LRRC69: variants seen among roughly 807,000 people sequenced by gnomAD.
LRRC69 encodes leucine rich repeat containing 69.
In LRRC69, 42 loss-of-function variants were observed where a neutral mutation model predicts 37.8. That is an observed-to-expected ratio of 1.11 (90% CI 0.87 to 1.44). LRRC69 has a LOEUF of 1.44. Among genes scored for constraint, LRRC69 ranks in the 40% most tolerant of loss-of-function variants. The pLI is 0.00. For missense variants in LRRC69, 357 were observed against 401.9 expected, an observed-to-expected ratio of 0.89 and a Z score of 0.96; for synonymous variants, 141 against 143.1, an observed-to-expected ratio of 0.99 and a Z score of 0.11.
At chr8:91,155,458 T>G (rs1464619560) in intron 5 of LRRC69, among the ~76,000 whole-genome samples, 1 of 150,878 alleles carries the variant, frequency 6.6e-6, no homozygotes, top group Non-Finnish European at 1.5e-5. Flanking sequence ...CCTCAAATAT[T>G]CATCATTTCT....
At chr8:91,103,744 C>G (rs1354785937) in intron 1 of LRRC69, among the ~76,000 whole-genome samples, 1 of 151,910 alleles carries the variant, frequency 6.6e-6, no homozygotes, top group Non-Finnish European at 1.5e-5. Flanking sequence ...AATAGGGTAA[C>G]TTTTACAAAG....
intron 4 of LRRC69, among the ~76,000 whole-genome samples, chr8:91,133,983 T>C (rs1335222766): frequency 6.6e-6 from 1 of 151,874 alleles, no homozygotes; most frequent in East Asian, 1.9e-4. Context: ...TAACGATGTA[T>C]ACAGAACAAA....
chr8:91,163,803 T>C (rs940991130), intron 5 of LRRC69, among the ~76,000 whole-genome samples: 1 of 151,050 alleles, frequency 6.6e-6, no homozygotes. Context: ...TAAAAGATTA[T>C]AGTTTTAAAA....
chr8:91,127,100 A>G, exon 3 of LRRC69: 1 of 1,547,820 alleles, frequency 6.5e-7, no homozygotes, highest in Non-Finnish European at 8.7e-7. Context: ...GGCTTACAAA[A>G]TTTAATCCTG....
At chr8:91,149,247 G>A (rs1808682892) in intron 5 of LRRC69, among the ~76,000 whole-genome samples, 1 of 151,918 alleles carries the variant, frequency 6.6e-6, no homozygotes, top group South Asian at 2.1e-4. Context: ...ATCCATTCTT[G>A]AATTAATTTT....
intron 7 of LRRC69, among the ~76,000 whole-genome samples, 188 bp downstream of exon 7, chr8:91,200,980 C>T (rs183314494): frequency 3.8e-4 from 58 of 152,276 alleles, no homozygotes; most frequent in African/African-American, 1.3e-3. Flanking sequence ...TATTTACATT[C>T]ATAGACTCCC....
At chr8:91,158,820 G>A (rs1448957013) in intron 5 of LRRC69, 26 of 704,534 alleles carry the variant, frequency 3.7e-5, no homozygotes, top group South Asian at 3.5e-4. Flanking sequence ...GTATGTGAAA[G>A]TGTAAAATAG....
intron 5 of LRRC69, among the ~76,000 whole-genome samples, chr8:91,138,076 T>C (rs1296773468): frequency 6.6e-6 from 1 of 152,046 alleles, no homozygotes; most frequent in African/African-American, 2.4e-5. Context: ...AACGACAATA[T>C]TAAAACCACT....
intron 6 of LRRC69, among the ~76,000 whole-genome samples, chr8:91,199,546 G>A (rs1222809831): frequency 6.6e-6 from 1 of 151,798 alleles, no homozygotes; most frequent in Non-Finnish European, 1.5e-5. Flanking sequence ...TTCATGCATG[G>A]GGAGAATGCA....
chr8:91,152,999 A>T (rs546349603), intron 5 of LRRC69, among the ~76,000 whole-genome samples: 1 of 151,548 alleles, frequency 6.6e-6, no homozygotes, highest in Admixed American at 6.6e-5. Flanking sequence ...GTGCCAAGAT[A>T]CACATAGGCT....
intron 5 of LRRC69, among the ~76,000 whole-genome samples, chr8:91,171,621 C>T (rs555387061): frequency 3.3e-5 from 5 of 152,090 alleles, no homozygotes; most frequent in South Asian, 4.1e-4. Flanking sequence ...ATCATATCCA[C>T]GTTGGGAAGC....
At chr8:91,144,743 A>C (rs1033842836) in intron 5 of LRRC69, among the ~76,000 whole-genome samples, 70 of 152,142 alleles carry the variant, frequency 4.6e-4, no homozygotes, top group African/African-American at 1.6e-3. Flanking sequence ...TTCCAGACAC[A>C]TGCCTGATAT....
At chr8:91,141,246 A>G (rs1486262933) in intron 5 of LRRC69, among the ~76,000 whole-genome samples, 3 of 152,104 alleles carry the variant, frequency 2.0e-5, no homozygotes, top group Non-Finnish European at 4.4e-5. Flanking sequence ...TGAGGCTGCT[A>G]TAGCAAAATA....
chr8:91,143,940 CTA>C (rs1491097414), intron 5 of LRRC69, among the ~76,000 whole-genome samples: 2 of 151,890 alleles, frequency 1.3e-5, no homozygotes, highest in African/African-American at 2.4e-5. Flanking sequence ...CTCCATTACT[CTA>C]TGTCTCACTT....
intron 5 of LRRC69, among the ~76,000 whole-genome samples, chr8:91,142,048 A>T (rs1808541601): frequency 6.6e-6 from 1 of 152,028 alleles, no homozygotes; most frequent in Non-Finnish European, 1.5e-5. Flanking sequence ...TTGAAATTTT[A>T]TATTTCCTTT....
At chr8:91,201,988 C>T (rs1809718530) in intron 7 of LRRC69, among the ~76,000 whole-genome samples, 1 of 151,946 alleles carries the variant, frequency 6.6e-6, no homozygotes, top group African/African-American at 2.4e-5. Context: ...GGTGGATCAC[C>T]TGAGGTCAGG....
chr8:91,184,934 G>A (rs1809380848), intron 5 of LRRC69, among the ~76,000 whole-genome samples: 1 of 152,166 alleles, frequency 6.6e-6, no homozygotes, highest in South Asian at 2.1e-4. Context: ...CTGAAGGCAG[G>A]GTGAGGAGTG....
chr8:91,145,534 A>G (rs1315128692), intron 5 of LRRC69, among the ~76,000 whole-genome samples: 1 of 151,902 alleles, frequency 6.6e-6, no homozygotes, highest in Non-Finnish European at 1.5e-5. Context: ...CTTGATTTTA[A>G]AATAGTATAA....
intron 3 of LRRC69, among the ~76,000 whole-genome samples, chr8:91,128,296 AAC>A (rs1184130676): frequency 6.6e-6 from 1 of 152,016 alleles, no homozygotes; most frequent in Non-Finnish European, 1.5e-5. Context: ...TTGCAGCTAT[AAC>A]ACGTTATGAT....
Sources: allele counts gnomAD v4.1 joint callset (sites outside exome capture counted in the v4.1 genomes callset), GRCh38; gene constraint gnomAD v4.1.1; transcripts MANE v1.5; gene names NCBI Gene and HGNC (gene_info 2026-07-23, HGNC 2026-07-21).